JAK2: variants seen among roughly 807,000 people sequenced by gnomAD.
JAK2 encodes the protein Janus kinase 2.
Under a neutral mutation model 139.3 loss-of-function variants are expected in JAK2, and 86 were observed. The ratio of observed to expected loss-of-function variants is 0.62; its 90% CI spans 0.52 to 0.74. The LOEUF (loss-of-function observed/expected upper bound fraction) is 0.74, where lower values mean the gene tolerates loss of function less well. Ranked by LOEUF, JAK2 falls within the 30% of genes least tolerant of loss-of-function variation. The pLI, the probability that JAK2 is intolerant of heterozygous loss-of-function variation, is 0.00. For synonymous variants in JAK2, 490 were observed against 437.7 expected, an observed-to-expected ratio of 1.12 and a Z score of -1.49; for missense variants, 1,421 against 1,360.3, an observed-to-expected ratio of 1.04 and a Z score of -0.70.
At chr9:5,036,819 A>G (rs1277405607) in intron 4 of JAK2, among the ~76,000 whole-genome samples, 1 of 152,230 alleles carries the variant, frequency 6.6e-6, no homozygotes, top group Non-Finnish European at 1.5e-5. Context: ...CTTCATGTCT[A>G]AAACACCAAA....
chr9:5,123,987 C>G (rs2130856708), intron 23 of JAK2, among the ~76,000 whole-genome samples: 1 of 151,308 alleles, frequency 6.6e-6, no homozygotes, highest in African/African-American at 2.4e-5. Context: ...TTTCATATGC[C>G]TCTTGTCAGT....
chr9:5,105,992 C>T (rs1210100143), intron 22 of JAK2, among the ~76,000 whole-genome samples: 1 of 88,074 alleles, frequency 1.1e-5, no homozygotes, highest in Non-Finnish European at 2.8e-5. Context: ...CCATTCAGGA[C>T]ATAGGTGTGG....
At chr9:5,070,308 A>G (rs889143124) in intron 12 of JAK2, among the ~76,000 whole-genome samples, 4 of 152,152 alleles carry the variant, frequency 2.6e-5, no homozygotes, top group African/African-American at 7.2e-5. Flanking sequence ...CTCAAATTAA[A>G]AATTAAAAAT....
At chr9:5,106,279 C>T (rs933081885) in intron 22 of JAK2, among the ~76,000 whole-genome samples, 3 of 152,114 alleles carry the variant, frequency 2.0e-5, no homozygotes, top group African/African-American at 7.2e-5. Context: ...TTTATGCAGC[C>T]AACAGACATA....
intron 22 of JAK2, among the ~76,000 whole-genome samples, chr9:5,102,126 G>C (rs1207806258): frequency 1.3e-5 from 2 of 152,040 alleles, no homozygotes; most frequent in African/African-American, 4.8e-5. Flanking sequence ...CCATCGCAAG[G>C]AAGCTAAAAA....
chr9:5,081,769 A>G lies in JAK2; in HGVS notation c.2479A>G (p.Ile827Val). ...AAATGACATGTTACCAAATATGAGG[A>G]TAGGTGCCCTGGGGTTTTCTGGTGC... The part of the protein sequence containing the change: ...TENDMLPNMR[I>V]GALGFSGAFE... The change falls in exon 19 of 25, where the codon ATA becomes GTA. Residue 827 changes from isoleucine (I) to valine (V), a missense_variant. Transcript: ENST00000381652. The G allele has an allele frequency of 1.2e-6, 2 of 1,602,564 alleles. No homozygotes were observed. Among genetic ancestry groups the G allele is most frequent in the South Asian group, 2.2e-5 (2 of 90,892 alleles).
At chr9:5,035,940 T>G (rs1177464585) in intron 4 of JAK2, among the ~76,000 whole-genome samples, 1 of 152,192 alleles carries the variant, frequency 6.6e-6, no homozygotes, top group Non-Finnish European at 1.5e-5. Flanking sequence ...GAAGTCAAAT[T>G]GTCCCTGTTT....
chr9:4,997,786 ATAGT>A (rs1169376385), intron 2 of JAK2, among the ~76,000 whole-genome samples: 1 of 152,234 alleles, frequency 6.6e-6, no homozygotes, highest in Non-Finnish European at 1.5e-5. Flanking sequence ...ATAGTGCATG[ATAGT>A]ATAAGTCTAT....
intron 5 of JAK2, among the ~76,000 whole-genome samples, chr9:5,048,052 T>G (rs1817142295): frequency 6.6e-6 from 1 of 152,200 alleles, no homozygotes; most frequent in Admixed American, 6.5e-5. Context: ...AGTATTGCCA[T>G]CACTCATTTT....
chr9:5,067,120 C>T (rs572216453), intron 10 of JAK2, among the ~76,000 whole-genome samples: 1 of 152,220 alleles, frequency 6.6e-6, no homozygotes, highest in South Asian at 2.1e-4. Context: ...ATCTTTGCCA[C>T]ATCATGTAGA....
intron 22 of JAK2, chr9:5,110,669 A>T (rs566788562): frequency 3.3e-6 from 1 of 306,280 alleles, no homozygotes; most frequent in Admixed American, 4.4e-5. Context: ...ATACTGTCAT[A>T]TACCAACGCC....
At chr9:5,037,125 A>T (rs1029529622) in intron 4 of JAK2, among the ~76,000 whole-genome samples, 1 of 152,246 alleles carries the variant, frequency 6.6e-6, no homozygotes, top group Non-Finnish European at 1.5e-5. Context: ...ACCACTGGCC[A>T]TCAGAGAAAT....
intron 4 of JAK2, among the ~76,000 whole-genome samples, chr9:5,035,660 G>T (rs917037034): frequency 6.6e-6 from 1 of 152,166 alleles, no homozygotes; most frequent in African/African-American, 2.4e-5. Context: ...GGCAGAAAAG[G>T]TCTTTGGCAA....
intron 4 of JAK2, among the ~76,000 whole-genome samples, chr9:5,038,622 G>A (rs1816252649): frequency 6.8e-6 from 1 of 147,670 alleles, no homozygotes. Context: ...TTGGATTTTA[G>A]AATATTTGCA....
chr9:4,984,685 G>A (rs1196310440), upstream of JAK2: 1 of 152,514 alleles, frequency 6.6e-6, no homozygotes, highest in Non-Finnish European at 1.5e-5. Flanking sequence ...CGAAAGCGGA[G>A]AAGTGTGCGG....
At chr9:5,066,569 A>T in intron 9 of JAK2, 109 bp from the exon 10 acceptor site, 1 of 665,316 alleles carries the variant, frequency 1.5e-6, no homozygotes, top group Non-Finnish European at 2.7e-6. Flanking sequence ...AAAGTAGAGG[A>T]GACAATTCTG....
intron 18 of JAK2, 22 bp from the exon 19 acceptor site, chr9:5,081,703 A>G (rs748541983): frequency 6.5e-7 from 1 of 1,540,300 alleles, no homozygotes; most frequent in Non-Finnish European, 9.0e-7. Flanking sequence ...ATTTAAGGTG[A>G]TAATATTCTT....
At chr9:4,992,442 G>C (rs751555556) in intron 2 of JAK2, among the ~76,000 whole-genome samples, 2 of 152,150 alleles carry the variant, frequency 1.3e-5, no homozygotes, top group Non-Finnish European at 2.9e-5. Flanking sequence ...CACTGCAGAA[G>C]AAAAACATGT....
chr9:5,117,639 A>G (rs1224725755), intron 22 of JAK2, among the ~76,000 whole-genome samples: 2 of 152,024 alleles, frequency 1.3e-5, no homozygotes, highest in African/African-American at 4.8e-5. Context: ...TACATTACTT[A>G]TGTTAACAGG....
Sources: allele counts gnomAD v4.1 joint callset (sites outside exome capture counted in the v4.1 genomes callset), GRCh38; gene constraint gnomAD v4.1.1; transcripts MANE v1.5; gene names NCBI Gene and HGNC (gene_info 2026-07-23, HGNC 2026-07-21).